PRSS23: variants seen among roughly 807,000 people sequenced by gnomAD.
The protein encoded by PRSS23 is serine protease 23.
In PRSS23, 25 loss-of-function variants were observed where a neutral mutation model predicts 34.7. That is an observed-to-expected ratio of 0.72 (90% CI 0.53 to 1.01). The LOEUF (loss-of-function observed/expected upper bound fraction) is 1.01. Ranked by LOEUF, PRSS23 falls within the 50% of genes least tolerant of loss-of-function variation. The pLI is 0.00. For synonymous variants in PRSS23, 176 were observed against 186.6 expected, an observed-to-expected ratio of 0.94 and a Z score of 0.46; for missense variants, 445 against 475.6, an observed-to-expected ratio of 0.94 and a Z score of 0.60.
At chr11:86,942,112 A>T (rs1949210770) in intron 2 of PRSS23, among the ~76,000 whole-genome samples, 1 of 152,212 alleles carries the variant, frequency 6.6e-6, no homozygotes, top group African/African-American at 2.4e-5. Flanking sequence ...AGATCATTGC[A>T]ATCAGTGCAA....
At chr11:86,853,711 C>A (rs1308132984) in intron 2 of PRSS23, among the ~76,000 whole-genome samples, 1 of 152,078 alleles carries the variant, frequency 6.6e-6, no homozygotes, top group East Asian at 1.9e-4. Context: ...ATATCTCTTC[C>A]ACTGCTGGCT....
rs1354602706 is a variant in PRSS23, at chr11:86,809,209, G to A, written c.*414G>A. On this transcript the variant is annotated 3_prime_UTR_variant, in exon 2 of 2. Coordinates refer to ENST00000280258, the MANE Select transcript of PRSS23 (RefSeq NM_007173.6). Reference sequence around the variant, plus strand: ...TATGTGTGCATGTGTGTTTTCTTCTGAGATTCATCTTGGTGGTGGGTTTTT... The same window carrying A: ...TATGTGTGCATGTGTGTTTTCTTCTAAGATTCATCTTGGTGGTGGGTTTTT... The A allele has an allele frequency of 5.9e-6, 1 of 168,574 alleles. No homozygotes were observed. The highest frequency in any genetic ancestry group is 2.4e-5 in the African/African-American group (1 of 41,482). The allele number at this position is 168,574 out of a possible 1,614,324, so 10.4% of individuals were successfully genotyped here.
chr11:86,941,396 G>A (rs1469301684), intron 2 of PRSS23, among the ~76,000 whole-genome samples: 1 of 152,192 alleles, frequency 6.6e-6, no homozygotes, highest in African/African-American at 2.4e-5. Flanking sequence ...CTTCTAGAGG[G>A]AAAGGTTATG....
intron 2 of PRSS23, chr11:86,933,477 A>G (rs2135018295): frequency 6.6e-6 from 1 of 152,384 alleles, no homozygotes; most frequent in Non-Finnish European, 1.5e-5. Flanking sequence ...GGAATAGGGT[A>G]AGAGAAGTAG....
At chr11:86,877,638 A>G (rs1320452587) in intron 2 of PRSS23, among the ~76,000 whole-genome samples, 1 of 152,204 alleles carries the variant, frequency 6.6e-6, no homozygotes, top group Non-Finnish European at 1.5e-5. Context: ...CTCTTGTCAG[A>G]AATCAATTTA....
chr11:86,866,848 A>G lies in PRSS23; in HGVS notation c.206+43255A>G, dbSNP rs557678141. Among the ~76,000 whole-genome samples the G allele has an allele frequency of 2.0e-3, 297 of 149,272 alleles. 5 individuals carry two copies. Among genetic ancestry groups the G allele is most frequent in the African/African-American group, 6.8e-3 (283 of 41,440 alleles). On this transcript the variant is annotated intron_variant, in intron 2 of 2. Transcript: ENST00000533902. ...CTCTTGCTTCCTCTCTCACCACGTG[A>G]TCTCCACATACACCAGCTCCCTTTC...
At chr11:86,864,984 C>G (rs1341786607) in intron 2 of PRSS23, among the ~76,000 whole-genome samples, 2 of 152,200 alleles carry the variant, frequency 1.3e-5, no homozygotes, top group Non-Finnish European at 2.9e-5. Flanking sequence ...GATCATTTTG[C>G]CATCTGAAAA....
At position 86,951,673 on chromosome 11, in the gene PRSS23, G is replaced by T. The variant is rs911795135; in HGVS notation, c.*388G>T. On this transcript the variant is annotated 3_prime_UTR_variant, in exon 3 of 3. Transcript: ENST00000533902. ...CATCCACCAGTCTCATAATCAAGATGACAATGGTTTTCACTGCGGGGATGG... is the reference window on the plus strand; with the variant it reads ...CATCCACCAGTCTCATAATCAAGATTACAATGGTTTTCACTGCGGGGATGG... The T allele has an allele frequency of 1.2e-6, 2 of 1,614,154 alleles. No individual in the cohort carries two copies. The highest frequency in any genetic ancestry group is 8.5e-7 in the Non-Finnish European group (1 of 1,179,994).
At chr11:86,848,883 T>C (rs1452527198) in intron 2 of PRSS23, among the ~76,000 whole-genome samples, 3 of 152,320 alleles carry the variant, frequency 2.0e-5, no homozygotes, top group African/African-American at 7.2e-5. Context: ...GCCAATTGCC[T>C]AGTAGGGCTT....
chr11:86,792,357 C>A (rs536690615), intron 1 of PRSS23, among the ~76,000 whole-genome samples: 1 of 152,238 alleles, frequency 6.6e-6, no homozygotes, highest in African/African-American at 2.4e-5. Context: ...GGCTCTGGGA[C>A]AGCATTTTCT....
At chr11:86,851,225 C>T (rs1372713641) in intron 2 of PRSS23, among the ~76,000 whole-genome samples, 1 of 152,194 alleles carries the variant, frequency 6.6e-6, no homozygotes, top group South Asian at 2.1e-4. Context: ...CATTTTGAAA[C>T]AGTTTCCAGC....
intron 2 of PRSS23, chr11:86,947,206 CAA>C (rs1949251127): frequency 3.7e-5 from 1 of 27,344 alleles, no homozygotes; most frequent in African/African-American, 2.8e-4. Flanking sequence ...CTGTCTCAAA[CAA>C]ACAAACAAAC....
intron 2 of PRSS23, among the ~76,000 whole-genome samples, chr11:86,922,479 TAAAC>T (rs780671568): frequency 2.0e-4 from 27 of 135,336 alleles, no homozygotes; most frequent in Non-Finnish European, 3.9e-4. Context: ...CTAAAAAAAA[TAAAC>T]AAATAAAAAT....
chr11:86,931,532 A>C (rs1949125797), intron 2 of PRSS23, among the ~76,000 whole-genome samples: 2 of 152,246 alleles, frequency 1.3e-5, no homozygotes, highest in South Asian at 4.1e-4. Context: ...TGTACATAAA[A>C]AATAGTCCCT....
intron 2 of PRSS23, among the ~76,000 whole-genome samples, chr11:86,838,378 G>T (rs932601909): frequency 4.6e-5 from 7 of 152,176 alleles, no homozygotes; most frequent in Non-Finnish European, 5.9e-5. Context: ...AGCAGTCTGA[G>T]ATCAACCTGT....
intron 2 of PRSS23, among the ~76,000 whole-genome samples, chr11:86,851,483 C>T (rs978014243): frequency 6.6e-6 from 1 of 152,240 alleles, no homozygotes; most frequent in Non-Finnish European, 1.5e-5. Flanking sequence ...TGAGCAGGGG[C>T]ATCTGCCCGA....
intron 2 of PRSS23, among the ~76,000 whole-genome samples, chr11:86,898,873 T>C (rs1305355563): frequency 6.6e-6 from 1 of 152,206 alleles, no homozygotes; most frequent in Non-Finnish European, 1.5e-5. Context: ...CTGGTAGTCA[T>C]GGGCACTCAT....
At chr11:86,870,241 T>TC (rs1399298820) in intron 2 of PRSS23, among the ~76,000 whole-genome samples, 1 of 140,726 alleles carries the variant, frequency 7.1e-6, no homozygotes, top group Non-Finnish European at 1.5e-5. Context: ...TGGTGATTTT[T>TC]TTTTTTTAAG....
chr11:86,791,586 C>G (rs73518689), intron 1 of PRSS23, among the ~76,000 whole-genome samples: 2,564 of 152,286 alleles, frequency 0.017, 84 homozygotes, highest in African/African-American at 0.059. Context: ...CAGCAGCTCT[C>G]ACCTCCACAA....
Sources: allele counts gnomAD v4.1 joint callset (sites outside exome capture counted in the v4.1 genomes callset), GRCh38; gene constraint gnomAD v4.1.1; transcripts MANE v1.5; gene names NCBI Gene and HGNC (gene_info 2026-07-23, HGNC 2026-07-21).